Variants in IMPG1 observed in about 807,000 individuals in gnomAD.
The protein encoded by IMPG1 is interphotoreceptor matrix proteoglycan 1, also known as interphotoreceptor matrix proteoglycan of 150 kDa.
IMPG1 carries 85 observed loss-of-function variants against 92.0 expected under a neutral mutation model. The observed-to-expected ratio is 0.92, with a 90% confidence interval of 0.78 to 1.11. The LOEUF is 1.11. IMPG1 is among the 50% of genes least tolerant of loss of function. The pLI is 0.00. For synonymous variants in IMPG1, 367 were observed against 334.1 expected (o/e 1.10, Z -1.08); for missense variants, 1,022 against 956.0 (o/e 1.07, Z -0.91).
intron 5 of IMPG1, among the ~76,000 whole-genome samples, chr6:76,024,622 T>C: frequency 6.6e-6 from 1 of 151,864 alleles, no homozygotes; most frequent in East Asian, 1.9e-4. Context: ...TGGCAAAATT[T>C]ATTAAAAGCC....
Position 75,951,050 on chromosome 6 carries a change from C to G in IMPG1, c.1336G>C (p.Glu446Gln). 6.2e-7 allele frequency: 1 copy of G among 1,613,638 alleles called. No homozygotes were observed. The highest frequency in any genetic ancestry group is 8.5e-7 in the Non-Finnish European group (1 of 1,179,764). ...GATGCCATAAAGAAAGGTGGAGCTT[C>G]TGACAGGGAGGTAGAGGCCATAGCA... ...PPAMASTSLS[E>Q]APPFFMASSI... Residue 446 changes from glutamate to glutamine, a missense_variant, in exon 13 of 17, where the codon GAA (glutamate) becomes CAA (glutamine). Physicochemically the swap from Glu to Gln is conservative, Grantham distance 29 (BLOSUM62 2). Around this residue, in one of 3 missense-constraint regions of IMPG1, gnomAD observed 681 missense variants for 583.6 expected, o/e 1.17. Transcript: ENST00000369950.
chr6:75,958,712 T>A (rs1782168365), intron 12 of IMPG1, among the ~76,000 whole-genome samples: 1 of 152,166 alleles, frequency 6.6e-6, no homozygotes, highest in African/African-American at 2.4e-5. Flanking sequence ...GTGCTGTTTT[T>A]TCCGGCTCCA....
chr6:76,003,666 A>G (rs918759659), intron 11 of IMPG1, among the ~76,000 whole-genome samples: 3 of 152,210 alleles, frequency 2.0e-5, no homozygotes, highest in Non-Finnish European at 4.4e-5. Context: ...TTGAACTTTG[A>G]GATATTTAAA....
At position 75,997,353 on chromosome 6, in the gene IMPG1, T is replaced by C. The variant is rs1326173; in HGVS notation, c.1291+5565A>G. Among the ~76,000 whole-genome samples the C allele has an allele frequency of 7.8e-3, 1,182 of 152,304 alleles. 26 individuals are homozygous for C. The highest frequency in any genetic ancestry group is 0.074 in the East Asian group (384 of 5,182). On this transcript the variant is annotated intron_variant, in intron 12 of 16. Coordinates refer to ENST00000369950, the MANE Select transcript of IMPG1 (RefSeq NM_001563.4). Reference sequence around the variant, plus strand: ...GAGTTGTTCTTAAAACTCTTTCAAGTCTTACTTTTACCCTTTCATCCTAAA... The same window carrying C: ...GAGTTGTTCTTAAAACTCTTTCAAGCCTTACTTTTACCCTTTCATCCTAAA...
chr6:76,066,415 G>A (rs920780474), intron 1 of IMPG1, among the ~76,000 whole-genome samples: 2 of 151,984 alleles, frequency 1.3e-5, no homozygotes, highest in African/African-American at 4.8e-5. Context: ...AGTAGCTATA[G>A]TTACACAAAA....
At chr6:76,056,906 A>G (rs1380108704) in intron 1 of IMPG1, among the ~76,000 whole-genome samples, 5 of 152,192 alleles carry the variant, frequency 3.3e-5, no homozygotes, top group Admixed American at 6.6e-5. Context: ...ATGCCTATCA[A>G]TGATATAGAC....
intron 14 of IMPG1, among the ~76,000 whole-genome samples, chr6:75,941,629 T>G (rs140681257): frequency 1.7e-3 from 252 of 152,376 alleles, no homozygotes; most frequent in African/African-American, 5.4e-3. Flanking sequence ...GACTCACTAT[T>G]TACTATGGAT....
intron 14 of IMPG1, among the ~76,000 whole-genome samples, chr6:75,939,654 G>A (rs1434779841): frequency 6.6e-6 from 1 of 152,174 alleles, no homozygotes; most frequent in Non-Finnish European, 1.5e-5. Flanking sequence ...AAAAGAACTT[G>A]TAATTGCAAA....
intron 1 of IMPG1, among the ~76,000 whole-genome samples, chr6:76,063,709 T>C (rs1784249764): frequency 6.6e-6 from 1 of 152,222 alleles, no homozygotes; most frequent in Admixed American, 6.5e-5. Context: ...ACATTGCCAA[T>C]TCCTCACAGG....
chr6:76,002,881 T>C, intron 12 of IMPG1, 37 bp downstream of exon 12: 1 of 1,477,438 alleles, frequency 6.8e-7, no homozygotes, highest in East Asian at 2.3e-5. Context: ...AAAGCATATG[T>C]TGTCATCTAA....
At chr6:75,993,001 A>G (rs1158683237) in intron 12 of IMPG1, among the ~76,000 whole-genome samples, 1 of 152,174 alleles carries the variant, frequency 6.6e-6, no homozygotes, top group African/African-American at 2.4e-5. Flanking sequence ...AACATCTTAC[A>G]TTGTTCACTA....
intron 12 of IMPG1, among the ~76,000 whole-genome samples, chr6:75,994,120 G>A (rs2149474137): frequency 6.6e-6 from 1 of 152,278 alleles, no homozygotes; most frequent in East Asian, 1.9e-4. Flanking sequence ...ACAAGAAGGG[G>A]TAGAATACAG....
intron 15 of IMPG1, among the ~76,000 whole-genome samples, chr6:75,929,777 C>A (rs1164310094): frequency 6.6e-6 from 1 of 151,346 alleles, no homozygotes; most frequent in Non-Finnish European, 1.5e-5. Context: ...GTTTCATAAT[C>A]CTAGCTGGAC....
At chr6:76,069,166 C>A (rs2127599383) in intron 1 of IMPG1, among the ~76,000 whole-genome samples, 1 of 152,014 alleles carries the variant, frequency 6.6e-6, no homozygotes, top group African/African-American at 2.4e-5. Flanking sequence ...AATTGGATAG[C>A]CATATGGAGA....
intron 1 of IMPG1, among the ~76,000 whole-genome samples, chr6:76,072,194 C>G (rs1484342067): frequency 6.6e-6 from 1 of 152,052 alleles, no homozygotes; most frequent in African/African-American, 2.4e-5. Context: ...GCATTCATCT[C>G]TCCTATTTTG....
chr6:76,049,719 G>T (rs1450305023), intron 1 of IMPG1, among the ~76,000 whole-genome samples: 1 of 152,182 alleles, frequency 6.6e-6, no homozygotes, highest in African/African-American at 2.4e-5. Context: ...TTGGGAAAAG[G>T]CAGAGATCTA....
chr6:76,055,706 A>C (rs1784109174), intron 1 of IMPG1, among the ~76,000 whole-genome samples: 1 of 152,074 alleles, frequency 6.6e-6, no homozygotes, highest in African/African-American at 2.4e-5. Flanking sequence ...ATCAGAATTG[A>C]GAAAGAAGAA....
chr6:76,041,285 T>G (rs889440277), intron 2 of IMPG1, among the ~76,000 whole-genome samples: 3 of 152,176 alleles, frequency 2.0e-5, no homozygotes, highest in African/African-American at 7.2e-5. Flanking sequence ...AGTCTTGGGG[T>G]AAAAAGTGGA....
chr6:75,979,113 C>T (rs1301138677), intron 12 of IMPG1, among the ~76,000 whole-genome samples: 3 of 152,046 alleles, frequency 2.0e-5, no homozygotes, highest in Non-Finnish European at 4.4e-5. Context: ...GACAGGGTTT[C>T]ACCCTGTTGC....
Sources: allele counts gnomAD v4.1 joint callset (sites outside exome capture counted in the v4.1 genomes callset), GRCh38; gene constraint gnomAD v4.1.1; regional missense constraint gnomAD v4.1.1; transcripts MANE v1.5; gene names NCBI Gene and HGNC (gene_info 2026-07-23, HGNC 2026-07-21).